The following UNC13B variants were observed in gnomAD, a reference collection of about 807,000 sequenced individuals.
The protein encoded by UNC13B is protein unc-13 homolog B.
UNC13B carries 144 observed loss-of-function variants against 211.0 expected under a neutral mutation model. The observed-to-expected ratio is 0.68, with a 90% CI of 0.60 to 0.78. The LOEUF (loss-of-function observed/expected upper bound fraction) is 0.78, where lower values mean the gene tolerates loss of function less well. Among genes scored for constraint, UNC13B ranks in the 30% least tolerant of loss-of-function variants. The pLI is 0.00. For synonymous variants in UNC13B, 709 were observed against 725.8 expected (o/e 0.98, Z 0.37); for missense variants, 1,777 against 2,002.0 (o/e 0.89, Z 2.14).
intron 1 of UNC13B, among the ~76,000 whole-genome samples, chr9:35,180,265 T>G (rs1821861919): frequency 6.6e-6 from 1 of 152,222 alleles, no homozygotes; most frequent in African/African-American, 2.4e-5. Flanking sequence ...AAATTAATTT[T>G]TTTTTCAAGG....
rs1836584578 is a variant in UNC13B at position 35,404,964 on chromosome 9, GC to G, written c.*933del. ...TCCTCCACCTTGCAGAAAGAATCTA[GC>G]CTTTGGTCTCTCTCTCTCTCATCGG... On this transcript the variant is annotated 3_prime_UTR_variant, in exon 40 of 40. Transcript: ENST00000635942. 6.5e-6 allele frequency: 1 copy of G among 152,676 alleles called. No individual in the cohort carries two copies. 9.5% of individuals were successfully genotyped at this position (152,676 alleles called of 1,614,324 possible).
At chr9:35,210,418 TCA>T (rs1483022345) in intron 1 of UNC13B, among the ~76,000 whole-genome samples, 1 of 152,258 alleles carries the variant, frequency 6.6e-6, no homozygotes. Context: ...CAGAATTCCT[TCA>T]TCATCACAGA....
intron 6 of UNC13B, among the ~76,000 whole-genome samples, chr9:35,245,728 A>G (rs888985478): frequency 1.3e-5 from 2 of 151,700 alleles, no homozygotes; most frequent in African/African-American, 4.8e-5. Context: ...TATGTGCCAC[A>G]TTTTCTTAAT....
intron 11 of UNC13B, among the ~76,000 whole-genome samples, chr9:35,346,899 C>G (rs1433808159): frequency 6.6e-6 from 1 of 152,024 alleles, no homozygotes; most frequent in African/African-American, 2.4e-5. Flanking sequence ...ATTCCCAACC[C>G]CTGAATTAAA....
At chr9:35,224,134 G>C (rs1392793815) in intron 1 of UNC13B, among the ~76,000 whole-genome samples, 1 of 152,086 alleles carries the variant, frequency 6.6e-6, no homozygotes, top group Non-Finnish European at 1.5e-5. Flanking sequence ...ACTATCCAGG[G>C]TCTTTTGTGG....
At chr9:35,232,320 A>G (rs2131510649) in intron 3 of UNC13B, among the ~76,000 whole-genome samples, 1 of 150,936 alleles carries the variant, frequency 6.6e-6, no homozygotes, top group African/African-American at 2.4e-5. Flanking sequence ...AATGGAAACT[A>G]CAAGCATGTA....
chr9:35,220,189 T>C (rs1824495928), intron 1 of UNC13B, among the ~76,000 whole-genome samples: 1 of 152,062 alleles, frequency 6.6e-6, no homozygotes, highest in Admixed American at 6.6e-5. Flanking sequence ...TATATACTTA[T>C]AGGGTACATG....
chr9:35,397,929 G>C (rs532485496), intron 30 of UNC13B, among the ~76,000 whole-genome samples: 6 of 152,026 alleles, frequency 3.9e-5, no homozygotes, highest in African/African-American at 1.4e-4. Flanking sequence ...CTAGACCTTT[G>C]CTTAGTCTTT....
chr9:35,236,007 T>A (rs892684627), intron 3 of UNC13B, among the ~76,000 whole-genome samples: 3 of 128,804 alleles, frequency 2.3e-5, no homozygotes, highest in Non-Finnish European at 3.2e-5. Context: ...CCACTGAGGT[T>A]TAATTGGGAT....
chr9:35,348,155 C>T (rs372259888), intron 11 of UNC13B, among the ~76,000 whole-genome samples: 1 of 152,168 alleles, frequency 6.6e-6, no homozygotes, highest in East Asian at 1.9e-4. Context: ...GCAGATAGGC[C>T]CCAGGTTAGC....
intron 1 of UNC13B, among the ~76,000 whole-genome samples, chr9:35,196,040 T>A (rs1822919042): frequency 6.6e-6 from 1 of 152,264 alleles, no homozygotes; most frequent in Non-Finnish European, 1.5e-5. Flanking sequence ...TCTTTTGTTT[T>A]TTCATTTCTA....
At chr9:35,325,829 G>T (rs116272584) in intron 11 of UNC13B, among the ~76,000 whole-genome samples, 1 of 152,250 alleles carries the variant, frequency 6.6e-6, no homozygotes, top group African/African-American at 2.4e-5. Context: ...ATCATATGTG[G>T]CCTACTGTGT....
At chr9:35,178,750 G>T (rs1821774813) in intron 1 of UNC13B, among the ~76,000 whole-genome samples, 1 of 151,498 alleles carries the variant, frequency 6.6e-6, no homozygotes, top group African/African-American at 2.4e-5. Context: ...AATTAACTGG[G>T]TGTGGTGCAC....
At chr9:35,257,277 G>A (rs1408318174) in intron 6 of UNC13B, among the ~76,000 whole-genome samples, 2 of 137,408 alleles carry the variant, frequency 1.5e-5, no homozygotes, top group African/African-American at 5.4e-5. Context: ...TGGCCAACGT[G>A]GTGAAACCCC....
intron 3 of UNC13B, among the ~76,000 whole-genome samples, chr9:35,233,459 C>G (rs1363828581): frequency 6.6e-6 from 1 of 152,136 alleles, no homozygotes; most frequent in Non-Finnish European, 1.5e-5. Flanking sequence ...TAGCTACTTT[C>G]TCTACTTTTC....
At chr9:35,322,878 C>T (rs1420239995) in intron 11 of UNC13B, among the ~76,000 whole-genome samples, 1 of 151,944 alleles carries the variant, frequency 6.6e-6, no homozygotes, top group East Asian at 1.9e-4. Context: ...ATTTCCGATC[C>T]CTCCTTTTTC....
At chr9:35,347,547 G>T (rs147480044) in intron 11 of UNC13B, among the ~76,000 whole-genome samples, 1 of 152,304 alleles carries the variant, frequency 6.6e-6, no homozygotes, top group Non-Finnish European at 1.5e-5. Flanking sequence ...ATCACATCGA[G>T]CTCCATCCCC....
At chr9:35,367,956 T>G (rs1833880099) in intron 12 of UNC13B, among the ~76,000 whole-genome samples, 1 of 152,184 alleles carries the variant, frequency 6.6e-6, no homozygotes, top group Non-Finnish European at 1.5e-5. Context: ...ATCAGAAGTC[T>G]CAGTAGTTGC....
chr9:35,231,038 A>C (rs1236919487), intron 2 of UNC13B, 82 bp from the exon 3 acceptor site: 3 of 873,254 alleles, frequency 3.4e-6, no homozygotes, highest in Non-Finnish European at 5.4e-6. Flanking sequence ...TAATTTCTAT[A>C]TTGCTTAATT....
Sources: allele counts gnomAD v4.1 joint callset (sites outside exome capture counted in the v4.1 genomes callset), GRCh38; gene constraint gnomAD v4.1.1; transcripts MANE v1.5; gene names NCBI Gene and HGNC (gene_info 2026-07-23, HGNC 2026-07-21).